FAM241A: variants seen among roughly 807,000 people sequenced by gnomAD.
FAM241A encodes the protein family with sequence similarity 241 member A.
FAM241A carries 7 observed loss-of-function variants against 12.2 expected under a neutral mutation model. The ratio of observed to expected loss-of-function variants is 0.58; its 90% confidence interval spans 0.33 to 1.08. FAM241A has a LOEUF of 1.08. Ranked by LOEUF, FAM241A falls within the 50% of genes least tolerant of loss-of-function variation. The pLI is 0.04. For synonymous variants in FAM241A, 74 were observed against 68.2 expected (o/e 1.08, Z -0.42); for missense variants, 161 against 169.7 (o/e 0.95, Z 0.29).
intron 1 of FAM241A, among the ~76,000 whole-genome samples, chr4:112,153,441 GGA>G (rs986244889): frequency 6.6e-6 from 1 of 152,054 alleles, no homozygotes; most frequent in African/African-American, 2.4e-5. Context: ...TGTCTTTTCT[GGA>G]GTCATAATCT....
At chr4:112,171,682 A>G (rs1266609773) in intron 1 of FAM241A, among the ~76,000 whole-genome samples, 1 of 152,042 alleles carries the variant, frequency 6.6e-6, no homozygotes, top group East Asian at 1.9e-4. Context: ...ACACGGTGAA[A>G]CCTCGTCTCT....
intron 1 of FAM241A, among the ~76,000 whole-genome samples, chr4:112,148,641 C>T (rs1439695419): frequency 3.3e-5 from 5 of 152,050 alleles, no homozygotes; most frequent in African/African-American, 1.2e-4. Flanking sequence ...GAGAGATAAG[C>T]AAGGGAAAGA....
intron 1 of FAM241A, among the ~76,000 whole-genome samples, chr4:112,160,992 A>G (rs752333271): frequency 2.0e-5 from 3 of 152,218 alleles, no homozygotes; most frequent in Non-Finnish European, 4.4e-5. Flanking sequence ...CCAGGACATT[A>G]GTTTGGACAA....
At chr4:112,186,068 T>C (rs962699741) in intron 1 of FAM241A, among the ~76,000 whole-genome samples, 1 of 152,018 alleles carries the variant, frequency 6.6e-6, no homozygotes, top group Admixed American at 6.6e-5. Flanking sequence ...ATAATAGAAA[T>C]AATACTTTAG....
intron 1 of FAM241A, among the ~76,000 whole-genome samples, chr4:112,178,604 A>G (rs1723868734): frequency 1.3e-5 from 2 of 152,226 alleles, no homozygotes. Context: ...CTAAGCCCCC[A>G]AAAGCGATTG....
At chr4:112,179,139 C>A (rs897119184) in intron 1 of FAM241A, among the ~76,000 whole-genome samples, 6 of 152,092 alleles carry the variant, frequency 3.9e-5, no homozygotes, top group Non-Finnish European at 7.4e-5. Context: ...AATTAGATCC[C>A]CTTTGTCGAT....
chr4:112,179,379 T>TA (rs1402791300), intron 1 of FAM241A, among the ~76,000 whole-genome samples: 1 of 152,056 alleles, frequency 6.6e-6, no homozygotes, highest in Non-Finnish European at 1.5e-5. Flanking sequence ...TATGCAGCCA[T>TA]AAAAAATGAT....
At chr4:112,156,655 A>G (rs1204136985) in intron 1 of FAM241A, among the ~76,000 whole-genome samples, 2 of 152,228 alleles carry the variant, frequency 1.3e-5, no homozygotes, top group African/African-American at 4.8e-5. Flanking sequence ...GTGACTTCCC[A>G]GGTGAAATTA....
At chr4:112,162,231 T>C (rs1465771503) in intron 1 of FAM241A, among the ~76,000 whole-genome samples, 1 of 152,126 alleles carries the variant, frequency 6.6e-6, no homozygotes, top group East Asian at 1.9e-4. Context: ...CTGGAAGCAT[T>C]CCCTTTGAAA....
In FAM241A at chr4:112,162,480, A is replaced by G. The variant is rs375427814; in HGVS notation, c.153+16747A>G. 5.3e-5 allele frequency among the ~76,000 whole-genome samples: 8 copies of G among 152,368 alleles called. No individual in the cohort carries two copies. The South Asian group carries it at 1.0e-3, about 20-fold the overall frequency. ...AGCAAAGTCTCAGGATACAAAATCAATGTGCAAAAATCACAAGCATTCCTC... is the reference window on the plus strand; with the variant it reads ...AGCAAAGTCTCAGGATACAAAATCAGTGTGCAAAAATCACAAGCATTCCTC... On this transcript the variant is annotated intron_variant, in intron 1 of 1. Coordinates refer to ENST00000309733, the MANE Select transcript of FAM241A (RefSeq NM_152400.3).
intron 1 of FAM241A, among the ~76,000 whole-genome samples, chr4:112,179,353 A>G (rs1723881781): frequency 6.6e-6 from 1 of 152,206 alleles, no homozygotes; most frequent in Admixed American, 6.5e-5. Context: ...TGTGGCACAT[A>G]TACACCATGG....
intron 1 of FAM241A, among the ~76,000 whole-genome samples, chr4:112,166,345 T>A (rs78577774): frequency 1.3e-5 from 2 of 151,928 alleles, no homozygotes; most frequent in African/African-American, 2.4e-5. Flanking sequence ...GCTGGGAAAA[T>A]TTTTTTAAAT....
In FAM241A at chr4:112,186,983, TA is replaced by T; in HGVS notation, c.*47del. 1 of 1,572,692 alleles carries T rather than the reference TA, an allele frequency of 6.4e-7. No individual in the cohort carries two copies. ...GTTTGACATTTGGTAGCCATATATG[TA>T]ATTGAAGAAGTTATATATTTCACTT... On this transcript the variant is annotated 3_prime_UTR_variant, in exon 2 of 2. Coordinates refer to ENST00000309733, the MANE Select transcript of FAM241A (RefSeq NM_152400.3).
rs1724151432 is a variant in FAM241A at position 112,190,736 on chromosome 4, A to C, written c.*3798A>C. 1 of 152,064 alleles carries C rather than the reference A, an allele frequency of 6.6e-6. No individual in the cohort carries two copies. Among genetic ancestry groups the C allele is most frequent in the South Asian group, 2.1e-4 (1 of 4,822 alleles). 9.4% of individuals were successfully genotyped at this position (152,064 alleles called of 1,614,324 possible). On this transcript the variant is annotated 3_prime_UTR_variant, in exon 2 of 2. Transcript: ENST00000309733. ...AAAAGACTTTCATGCCTGGTAATAG[A>C]GTTGGCCGAGAAGAATATAAACTTA...
chr4:112,194,925 T>C lies in FAM241A; in HGVS notation c.*7987T>C, dbSNP rs1202174284. 1 of 152,194 alleles carries C rather than the reference T, an allele frequency of 6.6e-6. No individual in the cohort carries two copies. The highest frequency in any genetic ancestry group is 1.9e-4 in the East Asian group (1 of 5,184). The allele number at this position is 152,194 out of a possible 1,614,324, so 9.4% of individuals were successfully genotyped here. ...AGGAGTGGTTGGGATTACAGGCACA[T>C]GCTGGCATGCCTGTATTTTTGTATT... On this transcript the variant is annotated 3_prime_UTR_variant, in exon 2 of 2. Transcript: ENST00000309733.
intron 1 of FAM241A, among the ~76,000 whole-genome samples, chr4:112,174,334 A>G (rs937160739): frequency 1.3e-5 from 2 of 152,260 alleles, no homozygotes; most frequent in East Asian, 1.9e-4. Flanking sequence ...GAATGGTGCA[A>G]TGGTGCAGGA....
chr4:112,151,941 T>C (rs76023713), intron 1 of FAM241A, among the ~76,000 whole-genome samples: 277 of 152,346 alleles, frequency 1.8e-3, no homozygotes, highest in Non-Finnish European at 3.2e-3. Context: ...TGCCCTACTT[T>C]AGATGGTGTA....
rs1014852309 is a variant in FAM241A at position 112,190,068 on chromosome 4, A to G, written c.*3130A>G. The G allele has an allele frequency of 2.0e-5, 3 of 152,194 alleles. No homozygotes were observed. Among genetic ancestry groups the G allele is most frequent in the Non-Finnish European group, 4.4e-5 (3 of 68,044 alleles). The allele number at this position is 152,194 out of a possible 1,614,324, so 9.4% of individuals were successfully genotyped here. A position where few individuals can be genotyped will look rare whatever the true frequency, so the allele number is the denominator to read the frequency against. On this transcript the variant is annotated 3_prime_UTR_variant, in exon 2 of 2. Transcript: ENST00000309733. ...ATGGTTCATGGTTATCTTCTGACCA[A>G]CAAATCTCTATTTAATCATGTTTTG...
chr4:112,177,229 T>C (rs1158433189), intron 1 of FAM241A, among the ~76,000 whole-genome samples: 4 of 152,110 alleles, frequency 2.6e-5, no homozygotes, highest in Non-Finnish European at 5.9e-5. Flanking sequence ...TGAGAAAAGA[T>C]GTAAAGGAAA....
Sources: allele counts gnomAD v4.1 joint callset (sites outside exome capture counted in the v4.1 genomes callset), GRCh38; gene constraint gnomAD v4.1.1; transcripts MANE v1.5; gene names NCBI Gene and HGNC (gene_info 2026-07-23, HGNC 2026-07-21).